ANO4: variants seen among roughly 807,000 people sequenced by gnomAD.
ANO4 encodes anoctamin-4.
In ANO4, 69 loss-of-function variants were observed where a neutral mutation model predicts 141.9. The observed-to-expected ratio is 0.49, with a 90% CI of 0.40 to 0.59. ANO4 has a LOEUF of 0.59. Ranked by LOEUF, ANO4 falls within the 20% of genes least tolerant of loss-of-function variation. ANO4 has a pLI of 0.00. For synonymous variants in ANO4, 350 were observed against 394.3 expected, an observed-to-expected ratio of 0.89 and a Z score of 1.33; for missense variants, 894 against 1,162.2, an observed-to-expected ratio of 0.77 and a Z score of 3.36.
At chr12:100,764,687 G>A (rs1476062890) in intron 3 of ANO4, among the ~76,000 whole-genome samples, 1 of 152,116 alleles carries the variant, frequency 6.6e-6, no homozygotes, top group Non-Finnish European at 1.5e-5. Flanking sequence ...ATTAAATGAT[G>A]CTCCAAGGAA....
intron 22 of ANO4, among the ~76,000 whole-genome samples, chr12:101,104,627 G>GTATA (rs1167784816): frequency 0.013 from 824 of 61,682 alleles, 3 homozygotes; most frequent in Middle Eastern, 0.021. Context: ...ATGTATGTGT[G>GTATA]TATATATATA....
intron 1 of ANO4, among the ~76,000 whole-genome samples, chr12:100,870,904 G>T (rs1218405374): frequency 6.6e-6 from 1 of 152,022 alleles, no homozygotes; most frequent in South Asian, 2.1e-4. Context: ...ATTTTTTCAG[G>T]TATTATTGAG....
chr12:100,842,919 C>G (rs1299261904), intron 1 of ANO4, among the ~76,000 whole-genome samples: 1 of 152,124 alleles, frequency 6.6e-6, no homozygotes, highest in African/African-American at 2.4e-5. Context: ...CACAAACTTT[C>G]AAACCATGGT....
intron 5 of ANO4, among the ~76,000 whole-genome samples, chr12:100,946,480 G>A (rs2042726385): frequency 6.6e-6 from 1 of 152,098 alleles, no homozygotes; most frequent in African/African-American, 2.4e-5. Flanking sequence ...GTAGAAAGTA[G>A]CACTGATGGG....
chr12:100,966,719 C>T (rs1186544122), intron 5 of ANO4, among the ~76,000 whole-genome samples: 1 of 151,930 alleles, frequency 6.6e-6, no homozygotes, highest in Non-Finnish European at 1.5e-5. Context: ...TCTCTATTTC[C>T]TCTTCTCAAT....
chr12:100,805,706 A>G (rs931124508), intron 1 of ANO4, among the ~76,000 whole-genome samples: 1 of 151,942 alleles, frequency 6.6e-6, no homozygotes, highest in Non-Finnish European at 1.5e-5. Flanking sequence ...TAGGTATTTT[A>G]TTCTCTTTGT....
At chr12:100,761,641 G>T (rs879430931) in intron 3 of ANO4, among the ~76,000 whole-genome samples, 2 of 152,282 alleles carry the variant, frequency 1.3e-5, no homozygotes, top group Admixed American at 1.3e-4. Context: ...CCAGGAAAGT[G>T]GGTGTTCAAC....
chr12:100,820,686 C>A (rs1393775582), intron 1 of ANO4, among the ~76,000 whole-genome samples: 1 of 152,032 alleles, frequency 6.6e-6, no homozygotes, highest in Non-Finnish European at 1.5e-5. Flanking sequence ...TGTAAGCCAG[C>A]AGTTGAGATT....
chr12:101,014,600 A>G (rs1266941720), intron 8 of ANO4, among the ~76,000 whole-genome samples: 1 of 152,134 alleles, frequency 6.6e-6, no homozygotes, highest in African/African-American at 2.4e-5. Context: ...TTTGGAGCAA[A>G]ACAGATGTTT....
intron 3 of ANO4, among the ~76,000 whole-genome samples, chr12:100,933,567 C>T (rs895517073): frequency 4.6e-5 from 7 of 152,156 alleles, no homozygotes; most frequent in Non-Finnish European, 8.8e-5. Context: ...GCAAATAGTG[C>T]CACAATAAAC....
At chr12:100,980,825 A>G (rs1001167827) in intron 7 of ANO4, among the ~76,000 whole-genome samples, 15 of 152,134 alleles carry the variant, frequency 9.9e-5, no homozygotes, top group African/African-American at 3.6e-4. Flanking sequence ...TTATCTTTGG[A>G]CAGGCTTATA....
At position 100,984,345 on chromosome 12, in the gene ANO4, C is replaced by G. The variant is rs559504819; in HGVS notation, c.603-3194C>G. Among the ~76,000 whole-genome samples, 6 of 152,268 alleles carry G rather than the reference C, an allele frequency of 3.9e-5. No homozygotes were observed. In the East Asian group the frequency reaches 5.8e-4, roughly 15 times the overall value. On this transcript the variant is annotated intron_variant, in intron 7 of 27. Coordinates refer to ENST00000392977, the MANE Select transcript of ANO4 (RefSeq NM_001286615.2). ...CCTGTAATCCCAGCACTTTGGGAGG[C>G]CAAGGCAGGCAGATCACGGGGATTT... is the stretch of plus-strand genomic sequence containing the variant.
At chr12:100,729,106 G>A (rs941117488) in intron 1 of ANO4, among the ~76,000 whole-genome samples, 1 of 152,042 alleles carries the variant, frequency 6.6e-6, no homozygotes, top group African/African-American at 2.4e-5. Context: ...TGTGTTTGTT[G>A]TTGAAATTTT....
At chr12:100,778,946 G>A (rs946786316) in intron 3 of ANO4, among the ~76,000 whole-genome samples, 3 of 151,832 alleles carry the variant, frequency 2.0e-5, no homozygotes, top group Non-Finnish European at 4.4e-5. Flanking sequence ...ATACCTTTGG[G>A]GTATTAGGCA....
intron 1 of ANO4, among the ~76,000 whole-genome samples, chr12:100,890,596 T>C (rs559013184): frequency 7.2e-5 from 11 of 152,350 alleles, no homozygotes; most frequent in Admixed American, 6.5e-4. Flanking sequence ...CATTTTCTTA[T>C]GTTACCAGCA....
At chr12:100,748,677 A>G (rs954011292) in intron 3 of ANO4, among the ~76,000 whole-genome samples, 6 of 152,210 alleles carry the variant, frequency 3.9e-5, no homozygotes, top group Non-Finnish European at 8.8e-5. Flanking sequence ...GATGATTGGC[A>G]TAGTTGAATT....
At chr12:100,825,357 T>C (rs1450455682) in intron 1 of ANO4, among the ~76,000 whole-genome samples, 1 of 152,018 alleles carries the variant, frequency 6.6e-6, no homozygotes, top group Non-Finnish European at 1.5e-5. Context: ...ATGATTTCAT[T>C]TGGTCCTTCA....
At chr12:101,002,494 C>G (rs188035812) in intron 8 of ANO4, among the ~76,000 whole-genome samples, 1 of 152,178 alleles carries the variant, frequency 6.6e-6, no homozygotes, top group Non-Finnish European at 1.5e-5. Flanking sequence ...CTTCCCTTCT[C>G]CCCCCAGCCT....
intron 3 of ANO4, among the ~76,000 whole-genome samples, chr12:100,780,657 C>G (rs2033684711): frequency 6.6e-6 from 1 of 152,072 alleles, no homozygotes; most frequent in South Asian, 2.1e-4. Context: ...TGGTTTTGGC[C>G]CATTTCTTTG....
Sources: gnomAD v4.1 joint callset for allele counts (sites outside exome capture counted in the v4.1 genomes callset) on GRCh38, gnomAD v4.1.1 for gene constraint, MANE v1.5 for transcripts, NCBI Gene and HGNC (gene_info 2026-07-23, HGNC 2026-07-21) for gene names.